Variants in PATJ observed in about 807,000 individuals in gnomAD.
The protein encoded by PATJ is inaD-like protein.
In PATJ, 190 loss-of-function variants were observed where a neutral mutation model predicts 224.9. The ratio of observed to expected loss-of-function variants is 0.84; its 90% CI spans 0.75 to 0.95. The LOEUF (loss-of-function observed/expected upper bound fraction) is 0.95, where lower values mean the gene tolerates loss of function less well. PATJ is among the 40% of genes least tolerant of loss of function. The pLI is 0.00. For missense variants in PATJ, 2,121 were observed against 2,270.3 expected, an observed-to-expected ratio of 0.93 and a Z score of 1.34; for synonymous variants, 769 against 820.3, an observed-to-expected ratio of 0.94 and a Z score of 1.07.
intron 17 of PATJ, among the ~76,000 whole-genome samples, chr1:61,839,149 A>G (rs937847274): frequency 6.6e-6 from 1 of 151,904 alleles, no homozygotes. Flanking sequence ...CACCAGGTCT[A>G]TGCCTTTAAC....
Position 62,084,501 on chromosome 1 carries a change from C to G in PATJ, c.4244-14C>G, listed in dbSNP as rs17123048. On this transcript the variant is annotated splice_polypyrimidine_tract_variant and intron_variant, in intron 32 of 43. Coordinates refer to ENST00000642238, the MANE Select transcript of PATJ (RefSeq NM_001350145.3). ...TCTTACATGCCAGTCATGCTGTGTT[C>G]AATTCTTTTCCAGGTGGTTTCCAGG... 8.7e-3 allele frequency: 13,992 copies of G among 1,607,360 alleles called. 449 individuals carry two copies. The highest frequency in any genetic ancestry group is 0.079 in the South Asian group (6,989 of 88,770).
intron 32 of PATJ, among the ~76,000 whole-genome samples, chr1:62,080,870 A>T (rs569223129): frequency 3.0e-4 from 45 of 152,322 alleles, no homozygotes; most frequent in African/African-American, 1.1e-3. Context: ...ACTATGGCGC[A>T]TGGGTCAAAT....
intron 35 of PATJ, among the ~76,000 whole-genome samples, chr1:62,115,389 T>C (rs570510175): frequency 1.3e-5 from 2 of 151,992 alleles, no homozygotes; most frequent in South Asian, 4.2e-4. Flanking sequence ...TCCCAACACT[T>C]TGGGAAGCTG....
At chr1:61,914,895 G>A (rs954555585) in intron 26 of PATJ, among the ~76,000 whole-genome samples, 2 of 152,134 alleles carry the variant, frequency 1.3e-5, no homozygotes, top group Admixed American at 6.5e-5. Flanking sequence ...AGCCATCAAC[G>A]TCTATAGATT....
At chr1:61,749,709 C>T (rs946731841) in intron 1 of PATJ, among the ~76,000 whole-genome samples, 4 of 151,666 alleles carry the variant, frequency 2.6e-5, no homozygotes, top group African/African-American at 7.3e-5. Flanking sequence ...CAGGGTCTCA[C>T]TCTGTTGCCC....
chr1:61,970,968 G>A (rs1682894882), intron 27 of PATJ, among the ~76,000 whole-genome samples: 1 of 152,190 alleles, frequency 6.6e-6, no homozygotes. Context: ...TCACAAGCAA[G>A]CTTAATTAAC....
chr1:62,119,670 G>C (rs1445947818), intron 37 of PATJ, among the ~76,000 whole-genome samples: 2 of 152,176 alleles, frequency 1.3e-5, no homozygotes, highest in African/African-American at 4.8e-5. Flanking sequence ...GGCCGGGCGT[G>C]GTGGCTCACA....
At chr1:61,882,887 A>G (rs980964042) in intron 21 of PATJ, among the ~76,000 whole-genome samples, 1 of 152,222 alleles carries the variant, frequency 6.6e-6, no homozygotes, top group Non-Finnish European at 1.5e-5. Flanking sequence ...TTTAAACAAT[A>G]AACCATTATA....
At chr1:61,967,709 A>T (rs1035886828) in intron 27 of PATJ, among the ~76,000 whole-genome samples, 5 of 152,248 alleles carry the variant, frequency 3.3e-5, no homozygotes, top group African/African-American at 1.2e-4. Context: ...AACATTTGTT[A>T]TTAGAAATTT....
intron 1 of PATJ, among the ~76,000 whole-genome samples, chr1:61,746,628 C>G (rs917866304): frequency 7.9e-5 from 12 of 152,108 alleles, no homozygotes; most frequent in African/African-American, 2.4e-4. Flanking sequence ...AAATGGGTTT[C>G]CCATCAGAAA....
At chr1:61,810,785 G>A (rs181268789) in intron 14 of PATJ, among the ~76,000 whole-genome samples, 22 of 152,124 alleles carry the variant, frequency 1.4e-4, no homozygotes, top group Admixed American at 9.2e-4. Context: ...TTAGCCGGGC[G>A]TGGTAGTGGG....
chr1:61,775,289 T>C lies in PATJ; in HGVS notation c.804T>C (p.Ser268=). ...TTGGAATAGTTGGAGGAAAAACAAG[T>C]GGCGTGGTTGTGAGGACTATAGTTC... ...LGFGIVGGKT[S]GVVVRTIVPG... Residue 268 remains serine, a synonymous_variant, in exon 7 of 44, where the codon AGT becomes AGC. Coordinates refer to ENST00000642238, the MANE Select transcript of PATJ (RefSeq NM_001350145.3). 6.2e-7 allele frequency: 1 copy of C among 1,613,978 alleles called. No individual in the cohort carries two copies. The highest frequency in any genetic ancestry group is 8.5e-7 in the Non-Finnish European group (1 of 1,179,902).
intron 27 of PATJ, among the ~76,000 whole-genome samples, chr1:61,943,412 A>G (rs1473656653): frequency 6.6e-6 from 1 of 152,198 alleles, no homozygotes; most frequent in African/African-American, 2.4e-5. Context: ...CGCTTTTCCA[A>G]CAGCTTTAGC....
chr1:61,869,801 C>T (rs1294089679), intron 20 of PATJ, among the ~76,000 whole-genome samples: 1 of 152,224 alleles, frequency 6.6e-6, no homozygotes, highest in Non-Finnish European at 1.5e-5. Context: ...AAACTCCACT[C>T]ACTCAGACCT....
At chr1:62,015,362 T>A (rs1646714550) in intron 28 of PATJ, among the ~76,000 whole-genome samples, 1 of 152,084 alleles carries the variant, frequency 6.6e-6, no homozygotes, top group Admixed American at 6.6e-5. Context: ...CCATAAAAAT[T>A]AAAAATCCTT....
At chr1:61,970,669 T>A (rs1259100407) in intron 27 of PATJ, among the ~76,000 whole-genome samples, 1 of 152,140 alleles carries the variant, frequency 6.6e-6, no homozygotes, top group Non-Finnish European at 1.5e-5. Flanking sequence ...TTTTTAAAAA[T>A]TTTTTGTAAA....
At chr1:61,965,085 G>A (rs1006873442) in intron 27 of PATJ, among the ~76,000 whole-genome samples, 3 of 113,922 alleles carry the variant, frequency 2.6e-5, no homozygotes, top group South Asian at 3.1e-4. Flanking sequence ...GTGCACCACT[G>A]TATTCTAGCC....
At chr1:62,153,994 C>T (rs143683229) in intron 43 of PATJ, among the ~76,000 whole-genome samples, 3,401 of 152,086 alleles carry the variant, frequency 0.022, 68 homozygotes, top group Non-Finnish European at 0.035. Context: ...ACCTCTGCCT[C>T]CCCGGGTTCA....
intron 27 of PATJ, among the ~76,000 whole-genome samples, chr1:61,932,525 G>A (rs1278315809): frequency 6.6e-6 from 1 of 152,206 alleles, no homozygotes; most frequent in East Asian, 1.9e-4. Flanking sequence ...CTAAGAAGTT[G>A]AGGAGGCTGG....
Sources: gnomAD v4.1 joint callset for allele counts (sites outside exome capture counted in the v4.1 genomes callset) on GRCh38, gnomAD v4.1.1 for gene constraint, MANE v1.5 for transcripts, NCBI Gene and HGNC (gene_info 2026-07-23, HGNC 2026-07-21) for gene names.